STAU2: variants seen among roughly 807,000 people sequenced by gnomAD.
STAU2 encodes staufen double-stranded RNA binding protein 2.
Under a neutral mutation model 65.9 loss-of-function variants are expected in STAU2, and 20 were observed. The ratio of observed to expected loss-of-function variants is 0.30; its 90% CI spans 0.21 to 0.44. The LOEUF (loss-of-function observed/expected upper bound fraction) is 0.44, where lower values mean the gene tolerates loss of function less well. Ranked by LOEUF, STAU2 falls within the 20% of genes least tolerant of loss-of-function variation. STAU2 has a pLI of 1.00. For synonymous variants in STAU2, 232 were observed against 233.9 expected (o/e 0.99, Z 0.07); for missense variants, 558 against 683.9 (o/e 0.82, Z 2.05).
intron 13 of STAU2, among the ~76,000 whole-genome samples, chr8:73,509,815 T>C (rs1822285526): frequency 6.6e-6 from 1 of 151,614 alleles, no homozygotes; most frequent in Non-Finnish European, 1.5e-5. Context: ...TTCTTCAATA[T>C]ACAACTGGTA....
intron 13 of STAU2, among the ~76,000 whole-genome samples, chr8:73,540,040 A>C (rs1212811790): frequency 6.6e-6 from 1 of 152,138 alleles, no homozygotes; most frequent in Non-Finnish European, 1.5e-5. Context: ...TAAAATAATA[A>C]ATATACAGAT....
At chr8:73,622,282 T>A (rs28457262) in intron 6 of STAU2, among the ~76,000 whole-genome samples, 15,960 of 99,714 alleles carry the variant, frequency 0.16, 1,703 homozygotes, top group African/African-American at 0.32. Context: ...GCCCGCCACC[T>A]CGCCCGGCTA....
At chr8:73,706,168 G>A (rs1054682626) in intron 4 of STAU2, among the ~76,000 whole-genome samples, 2 of 152,022 alleles carry the variant, frequency 1.3e-5, no homozygotes, top group Non-Finnish European at 2.9e-5. Context: ...CCAAACTGGA[G>A]TGCAGTGGTG....
chr8:73,502,077 T>C (rs1211680426), intron 13 of STAU2, among the ~76,000 whole-genome samples: 1 of 151,968 alleles, frequency 6.6e-6, no homozygotes, highest in Non-Finnish European at 1.5e-5. Context: ...TTTCTTAAAA[T>C]TGGATTTTTT....
At chr8:73,433,626 G>T (rs780972105) in intron 13 of STAU2, among the ~76,000 whole-genome samples, 1 of 150,562 alleles carries the variant, frequency 6.6e-6, no homozygotes, top group South Asian at 2.1e-4. Context: ...TCAGCCTCCC[G>T]AGTAGCTGGG....
At chr8:73,565,072 T>C (rs1465972958) in intron 12 of STAU2, among the ~76,000 whole-genome samples, 1 of 152,208 alleles carries the variant, frequency 6.6e-6, no homozygotes, top group Non-Finnish European at 1.5e-5. Flanking sequence ...AATGACTGAA[T>C]GTATACAAAT....
At chr8:73,583,391 C>T (rs1563438616) in intron 11 of STAU2, among the ~76,000 whole-genome samples, 1 of 152,002 alleles carries the variant, frequency 6.6e-6, no homozygotes, top group Non-Finnish European at 1.5e-5. Context: ...AATGATCCAC[C>T]CACTTTGGCC....
In STAU2 at chr8:73,471,817, T is replaced by TAAAA. The variant is rs569600617; in HGVS notation, c.1531-49119_1531-49116dup. ...TGGGCAACAAGGGCGAGACTCCAACTAAAAAAAAAAAAAAAAAAAAGAGAG... is the reference window on the plus strand; with the variant it reads ...TGGGCAACAAGGGCGAGACTCCAACTAAAAAAAAAAAAAAAAAAAAAAAAGAGAG... On this transcript the variant is annotated intron_variant, in intron 13 of 14. Coordinates refer to ENST00000524300, the MANE Select transcript of STAU2 (RefSeq NM_001164380.2). Among the ~76,000 whole-genome samples, 71 of 86,798 alleles carry TAAAA rather than the reference T, an allele frequency of 8.2e-4. 1 individual carries two copies. The highest frequency in any genetic ancestry group is 1.4e-3 in the African/African-American group (31 of 21,454). The allele number at this position is 86,798 out of a possible 152,430, so 56.9% of individuals were successfully genotyped here.
chr8:73,695,226 G>A (rs539391181), intron 4 of STAU2, among the ~76,000 whole-genome samples: 27 of 152,296 alleles, frequency 1.8e-4, no homozygotes, highest in Non-Finnish European at 3.2e-4. Flanking sequence ...AAGGAGAGGA[G>A]AGTGAAGAAA....
chr8:73,537,594 C>T lies in STAU2; in HGVS notation c.1530+14418G>A, dbSNP rs146879789. Among the ~76,000 whole-genome samples, 89 of 152,236 alleles carry T rather than the reference C, an allele frequency of 5.8e-4. 1 individual carries two copies. The East Asian group carries it at 0.016, about 27-fold the overall frequency. ...CCAAGTGCTGAAAGAACTGTCAGCCCAGACTTTTATATCTAGAAAAAATAT... is the reference window on the plus strand; with the variant it reads ...CCAAGTGCTGAAAGAACTGTCAGCCTAGACTTTTATATCTAGAAAAAATAT... On this transcript the variant is annotated intron_variant, in intron 13 of 14. Coordinates refer to ENST00000524300, the MANE Select transcript of STAU2 (RefSeq NM_001164380.2).
chr8:73,433,787 G>A (rs1465341780), intron 13 of STAU2, among the ~76,000 whole-genome samples: 3 of 151,904 alleles, frequency 2.0e-5, no homozygotes, highest in Non-Finnish European at 4.4e-5. Context: ...ACAGGCGTGA[G>A]CCACCGTGCC....
rs892398595 is a variant in STAU2 at position 73,466,197 on chromosome 8, C to G, written c.1531-43495G>C. Among the ~76,000 whole-genome samples the G allele has an allele frequency of 4.6e-5, 7 of 152,186 alleles. 1 individual carries two copies. Among genetic ancestry groups the G allele is most frequent in the African/African-American group, 1.7e-4 (7 of 41,440 alleles). ...AACCCATACATTACATTCCTTTAAG[C>G]CAAAATACCATGGTTCAATCTTAGA... On this transcript the variant is annotated intron_variant, in intron 13 of 14. Coordinates refer to ENST00000524300, the MANE Select transcript of STAU2 (RefSeq NM_001164380.2).
At chr8:73,664,383 T>C (rs939414914) in intron 6 of STAU2, among the ~76,000 whole-genome samples, 1 of 152,222 alleles carries the variant, frequency 6.6e-6, no homozygotes, top group African/African-American at 2.4e-5. Flanking sequence ...TTCCTGATCT[T>C]ACAAGTATTC....
chr8:73,426,053 A>C (rs1816800114), intron 13 of STAU2, among the ~76,000 whole-genome samples: 2 of 152,150 alleles, frequency 1.3e-5, no homozygotes. Context: ...CCAGCCTCCC[A>C]AAGTATTGGG....
chr8:73,574,633 C>T (rs1809372935), intron 12 of STAU2, among the ~76,000 whole-genome samples: 1 of 152,158 alleles, frequency 6.6e-6, no homozygotes, highest in Non-Finnish European at 1.5e-5. Flanking sequence ...TGGAAACCAT[C>T]ATTCTGAGCA....
At chr8:73,550,353 T>C (rs926427617) in intron 13 of STAU2, 2 of 983,706 alleles carry the variant, frequency 2.0e-6, no homozygotes, top group Non-Finnish European at 2.4e-6. Flanking sequence ...ATTATTGTCA[T>C]TGCCAAGAGC....
At chr8:73,591,053 T>C (rs972448512) in intron 11 of STAU2, among the ~76,000 whole-genome samples, 10 of 152,110 alleles carry the variant, frequency 6.6e-5, no homozygotes, top group Non-Finnish European at 1.0e-4. Context: ...AGGGGTATAA[T>C]ACCAGAAAGA....
Position 73,544,255 on chromosome 8 carries a change from C to T in STAU2, c.1530+7757G>A, listed in dbSNP as rs115481872. 2.0e-3 allele frequency among the ~76,000 whole-genome samples: 309 copies of T among 152,304 alleles called. 1 individual carries two copies. The highest frequency in any genetic ancestry group is 6.8e-3 in the African/African-American group (282 of 41,562). The stretch of plus-strand genomic sequence containing the variant: ...ACTCCTCCATGCCCAACAGCTTTGT[C>T]TTAACTCAATCTTTATTCTTTCTTT... On this transcript the variant is annotated intron_variant, in intron 13 of 14. Coordinates refer to ENST00000524300, the MANE Select transcript of STAU2 (RefSeq NM_001164380.2).
intron 3 of STAU2, among the ~76,000 whole-genome samples, chr8:73,723,711 A>T (rs1017866105): frequency 6.6e-6 from 1 of 152,172 alleles, no homozygotes; most frequent in African/African-American, 2.4e-5. Flanking sequence ...TAAGTCTGAT[A>T]TGGGTCTTTT....
Sources: gnomAD v4.1 joint callset for allele counts (sites outside exome capture counted in the v4.1 genomes callset) on GRCh38, gnomAD v4.1.1 for gene constraint, MANE v1.5 for transcripts, NCBI Gene and HGNC (gene_info 2026-07-23, HGNC 2026-07-21) for gene names.